USP24: variants seen among roughly 807,000 people sequenced by gnomAD.
USP24 encodes the protein ubiquitin carboxyl-terminal hydrolase 24.
USP24 carries 97 observed loss-of-function variants against 361.6 expected under a neutral mutation model. The observed-to-expected ratio is 0.27, with a 90% confidence interval of 0.23 to 0.32. The LOEUF is 0.32. USP24 is among the 10% of genes least tolerant of loss of function. The pLI is 1.00. For missense variants in USP24, 2,353 were observed against 3,165.6 expected (o/e 0.74, Z 6.16); for synonymous variants, 1,098 against 1,124.6 (o/e 0.98, Z 0.47).
chr1:55,158,800 G>A, intron 10 of USP24, 78 bp downstream of exon 10: 1 of 1,173,256 alleles, frequency 8.5e-7, no homozygotes, highest in Non-Finnish European at 1.1e-6. Context: ...TCCCAAAATT[G>A]TTATATTAAT....
intron 1 of USP24, among the ~76,000 whole-genome samples, chr1:55,185,799 G>A (rs1644114654): frequency 6.6e-6 from 1 of 151,904 alleles, no homozygotes; most frequent in Non-Finnish European, 1.5e-5. Flanking sequence ...ACACTCTTGG[G>A]CTCAAGTGAA....
At position 55,072,846 on chromosome 1, in the gene USP24, C is replaced by A; in HGVS notation, c.7542G>T (p.Lys2514Asn). The change falls in exon 65 of 68, where the codon AAG (lysine) becomes AAT (asparagine). Residue 2514 changes from lysine to asparagine, a missense_variant. Coordinates refer to ENST00000294383, the MANE Select transcript of USP24 (RefSeq NM_015306.3). The part of the protein sequence containing the change: ...VTLAQKCPAA[K>N]EYFKENSHHW... ...GGTGGGAATTCTCCTTGAAGTACTCCTTAGCTGCAGGACACCTGATGACCG... is the reference window on the plus strand; with the variant it reads ...GGTGGGAATTCTCCTTGAAGTACTCATTAGCTGCAGGACACCTGATGACCG... 1 of 1,607,412 alleles carries A rather than the reference C, an allele frequency of 6.2e-7. No homozygotes were observed. Among genetic ancestry groups the A allele is most frequent in the East Asian group, 2.2e-5 (1 of 44,748 alleles).
intron 38 of USP24, among the ~76,000 whole-genome samples, chr1:55,117,157 A>C (rs1646138531): frequency 6.6e-6 from 1 of 152,200 alleles, no homozygotes; most frequent in Non-Finnish European, 1.5e-5. Context: ...AAAACACTTA[A>C]CAAACTACAA....
Position 55,134,077 on chromosome 1 carries a change from C to T in USP24, c.3374G>A (p.Gly1125Glu). 6.2e-7 allele frequency: 1 copy of T among 1,613,380 alleles called. No homozygotes were observed. The highest frequency in any genetic ancestry group is 8.5e-7 in the Non-Finnish European group (1 of 1,179,636). Residue 1125 changes from glycine (G) to glutamate (E), a missense_variant, in exon 30 of 68, where the codon GGA (glycine) becomes GAA (glutamate). This residue lies in a region of USP24 where 949 missense variants were observed against 1,280.5 expected (regional missense o/e 0.74). Transcript: ENST00000294383. ...GTTAAAAAATACTCATACCTTTCTT[C>T]CTAAAGAATCAAGTTGATCAAGGGC... ...QEALDQLDSL[G>E]RKKTLLSESS...
In USP24 at chr1:55,079,774, T is replaced by A. The variant is rs117490845; in HGVS notation, c.7079-115A>T. 5,290 of 1,356,268 alleles carry A rather than the reference T, an allele frequency of 3.9e-3. 103 individuals carry two copies. In the East Asian group the frequency reaches 0.069, roughly 18 times the overall value. The allele number at this position is 1,356,268 out of a possible 1,614,324, so 84.0% of individuals were successfully genotyped here. The stretch of plus-strand genomic sequence containing the variant: ...AGACTCGCACACACACTGAGTACTC[T>A]CACAGAGTACTCACACACTGAGTAC... On this transcript the variant is annotated intron_variant, in intron 59 of 67. Transcript: ENST00000294383.
intron 64 of USP24, among the ~76,000 whole-genome samples, chr1:55,073,357 A>G (rs1415019624): frequency 1.3e-5 from 2 of 152,184 alleles, no homozygotes; most frequent in Non-Finnish European, 2.9e-5. Context: ...TACTAACCTC[A>G]TGAAGTTGTT....
At chr1:55,072,060 A>G in intron 66 of USP24, 136 bp from the exon 67 acceptor site, 1 of 818,794 alleles carries the variant, frequency 1.2e-6, no homozygotes, top group Non-Finnish European at 2.0e-6. Flanking sequence ...CACAGTCACC[A>G]GAACCCCCTC....
chr1:55,116,508 T>G (rs940747249), intron 38 of USP24, among the ~76,000 whole-genome samples: 1 of 151,614 alleles, frequency 6.6e-6, no homozygotes, highest in African/African-American at 2.4e-5. Flanking sequence ...TTTACAGAAA[T>G]GGAAAGGATA....
chr1:55,148,676 T>C, intron 16 of USP24, 106 bp from the exon 17 acceptor site: 2 of 784,800 alleles, frequency 2.5e-6, no homozygotes, highest in East Asian at 5.4e-5. Flanking sequence ...TTACACATTT[T>C]ATTATTTTAC....
intron 33 of USP24, 23 bp downstream of exon 33, chr1:55,125,640 A>T (rs770172769): frequency 1.3e-6 from 2 of 1,581,544 alleles, no homozygotes; most frequent in East Asian, 4.5e-5. Context: ...GCCTGGTAAG[A>T]CTAATGCAAT....
chr1:55,100,205 T>C (rs1213021394), intron 44 of USP24, among the ~76,000 whole-genome samples: 1 of 152,186 alleles, frequency 6.6e-6, no homozygotes, highest in African/African-American at 2.4e-5. Context: ...TGTTTAAAAA[T>C]AGTATTCTTG....
At chr1:55,094,195 T>C in intron 51 of USP24, 108 bp from the exon 52 acceptor site, 2 of 1,095,174 alleles carry the variant, frequency 1.8e-6, no homozygotes, top group Non-Finnish European at 2.5e-6. Context: ...ATTTGATTAT[T>C]ATACATGTAT....
At chr1:55,101,515 CTA>C in intron 43 of USP24, 67 bp downstream of exon 43, 1 of 1,542,288 alleles carries the variant, frequency 6.5e-7, no homozygotes, top group Non-Finnish European at 8.7e-7. Flanking sequence ...CAATAAAAAA[CTA>C]TGAAACAATT....
intron 1 of USP24, among the ~76,000 whole-genome samples, chr1:55,199,619 G>GA (rs1644513003): frequency 7.2e-6 from 1 of 138,546 alleles, no homozygotes; most frequent in African/African-American, 2.7e-5. Flanking sequence ...GTGTGTGTGT[G>GA]TGTGAGAGAG....
At chr1:55,093,275 C>CTCTT (rs1174001773) in intron 52 of USP24, among the ~76,000 whole-genome samples, 1 of 152,192 alleles carries the variant, frequency 6.6e-6, no homozygotes, top group African/African-American at 2.4e-5. Flanking sequence ...TGGCTTAATT[C>CTCTT]TCTTTCTTTC....
intron 5 of USP24, among the ~76,000 whole-genome samples, chr1:55,170,576 G>C (rs1649340215): frequency 6.6e-6 from 1 of 152,150 alleles, no homozygotes; most frequent in African/African-American, 2.4e-5. Flanking sequence ...GTCTGTTTCA[G>C]TTCTCACCTA....
chr1:55,099,730 AGAGTTTGAGG>A (rs960180875), intron 45 of USP24, 31 bp downstream of exon 45: 11 of 1,373,576 alleles, frequency 8.0e-6, no homozygotes, highest in African/African-American at 2.9e-5. Context: ...TACTATAATT[AGAGTTTGAGG>A]GAGTTAGAGG....
rs1255829959 is a variant in USP24 at position 55,096,566 on chromosome 1, T to G, written c.5993A>C (p.Asp1998Ala). ...ATACTCCAGGGTCTCGTCATTTAGG[T>G]CAAATTCTTCTATAACTGTGTCATT... Reference protein sequence around the residue: ...KFNDTVIEEFDLNDETLEYEC... With the variant: ...KFNDTVIEEFALNDETLEYEC... The change falls in exon 50 of 68, where the codon GAC becomes GCC. Residue 1998 changes from aspartate (D) to alanine (A), a missense_variant. Asp to Ala is a moderately radical substitution (Grantham distance 126). This residue lies in a region of USP24 where 598 missense variants were observed against 761.9 expected (regional missense o/e 0.78). Coordinates refer to ENST00000294383, the MANE Select transcript of USP24 (RefSeq NM_015306.3). 1 of 1,613,388 alleles carries G rather than the reference T, an allele frequency of 6.2e-7. No homozygotes were observed. Among genetic ancestry groups the G allele is most frequent in the South Asian group, 1.1e-5 (1 of 90,950 alleles).
intron 55 of USP24, among the ~76,000 whole-genome samples, chr1:55,087,263 G>C (rs1269058714): frequency 6.6e-6 from 1 of 152,106 alleles, no homozygotes; most frequent in Non-Finnish European, 1.5e-5. Flanking sequence ...TCTTTATAAA[G>C]AAAGAAACAA....
Sources: gnomAD v4.1 joint callset for allele counts (sites outside exome capture counted in the v4.1 genomes callset) on GRCh38, gnomAD v4.1.1 for gene constraint, gnomAD v4.1.1 regional missense constraint, MANE v1.5 for transcripts, NCBI Gene and HGNC (gene_info 2026-07-23, HGNC 2026-07-21) for gene names.